Variants in WDR76 observed in about 807,000 individuals in gnomAD.
WDR76 encodes the protein WD repeat-containing protein 76.
A neutral mutation model predicts 70.2 loss-of-function variants in WDR76; 52 were observed. The ratio of observed to expected loss-of-function variants is 0.74; its 90% CI spans 0.59 to 0.93. WDR76 has a LOEUF of 0.93. WDR76 is among the 40% of genes least tolerant of loss of function. WDR76 has a pLI of 0.00. For missense variants in WDR76, 756 were observed against 760.2 expected (o/e 0.99, Z 0.07); for synonymous variants, 292 against 271.1 (o/e 1.08, Z -0.76).
rs1331050050 is a variant in WDR76 at position 43,842,407 on chromosome 15, T to C, written c.733-8T>C. On this transcript the variant is annotated splice_polypyrimidine_tract_variant and splice_region_variant and intron_variant, in intron 5 of 12. Coordinates refer to ENST00000263795, the MANE Select transcript of WDR76 (RefSeq NM_024908.4). ...GCCCAACAAATAACTTTTTATTTTT[T>C]ATAACAGCCTTTGTTACCTCCTGGG... 2 of 1,611,222 alleles carry C rather than the reference T, an allele frequency of 1.2e-6. No individual in the cohort carries two copies. Among genetic ancestry groups the C allele is most frequent in the Admixed American group, 3.4e-5 (2 of 59,398 alleles).
intron 8 of WDR76, among the ~76,000 whole-genome samples, chr15:43,849,589 A>T (rs1230946166): frequency 6.6e-6 from 1 of 151,964 alleles, no homozygotes; most frequent in Non-Finnish European, 1.5e-5. Flanking sequence ...CCCAGGCTGG[A>T]GTTCAGTGGT....
intron 4 of WDR76, among the ~76,000 whole-genome samples, chr15:43,836,658 T>C (rs1176690565): frequency 6.6e-6 from 1 of 152,190 alleles, no homozygotes; most frequent in Non-Finnish European, 1.5e-5. Flanking sequence ...TTTTGTCCTA[T>C]ATTATCTCAT....
At position 43,867,819 on chromosome 15, in the gene WDR76, G is replaced by C. The variant is rs2088092837; in HGVS notation, c.*1427G>C. ...TGGTAATTTCAATGTGTTTGTTGTT[G>C]GGAGGGGAGCTGCCAAATCAGTTAC... On this transcript the variant is annotated 3_prime_UTR_variant, in exon 13 of 13. Coordinates refer to ENST00000263795, the MANE Select transcript of WDR76 (RefSeq NM_024908.4). 6.6e-6 allele frequency: 1 copy of C among 152,104 alleles called. No individual in the cohort carries two copies. Among genetic ancestry groups the C allele is most frequent in the Non-Finnish European group, 1.5e-5 (1 of 68,008 alleles). 9.4% of individuals were successfully genotyped at this position (152,104 alleles called of 1,614,324 possible).
At chr15:43,829,445 C>T (rs77403686) in intron 2 of WDR76, among the ~76,000 whole-genome samples, 1 of 150,180 alleles carries the variant, frequency 6.7e-6, no homozygotes, top group East Asian at 1.9e-4. Context: ...AGTGGGACAG[C>T]ATGGGGTAAG....
At position 43,867,470 on chromosome 15, in the gene WDR76, TA is replaced by T. The variant is rs1262190988; in HGVS notation, c.*1079del. The T allele has an allele frequency of 2.0e-5, 3 of 152,134 alleles. No homozygotes were observed. The highest frequency in any genetic ancestry group is 4.4e-5 in the Non-Finnish European group (3 of 68,026). 9.4% of individuals were successfully genotyped at this position (152,134 alleles called of 1,614,324 possible). ...AAGAATTTGTAAAGAACAGAAAATA[TA>T]TTTGAGTAAGTATTGTTTGGTAAAA... On this transcript the variant is annotated 3_prime_UTR_variant, in exon 13 of 13. Transcript: ENST00000263795.
chr15:43,834,467 ATT>A (rs34962536), intron 2 of WDR76, among the ~76,000 whole-genome samples: 1,457 of 137,030 alleles, frequency 0.011, 18 homozygotes, highest in African/African-American at 0.031. Context: ...TACCTGGCTA[ATT>A]TTTTTTTTTT....
intron 5 of WDR76, 138 bp from the exon 6 acceptor site, chr15:43,842,277 G>T: frequency 1.5e-6 from 1 of 658,752 alleles, no homozygotes. Context: ...CAATTATTTT[G>T]AATGTCCATG....
intron 12 of WDR76, among the ~76,000 whole-genome samples, chr15:43,862,427 C>A (rs1053504823): frequency 1.3e-4 from 19 of 151,036 alleles, no homozygotes; most frequent in African/African-American, 4.6e-4. Context: ...AAGCAATTCT[C>A]CTGCCTCAGC....
At chr15:43,855,502 A>G (rs1050992932) in intron 9 of WDR76, among the ~76,000 whole-genome samples, 3 of 152,196 alleles carry the variant, frequency 2.0e-5, no homozygotes, top group Non-Finnish European at 1.5e-5. Context: ...TGCCTTTAGC[A>G]TATTAATTTA....
intron 9 of WDR76, among the ~76,000 whole-genome samples, chr15:43,852,050 G>A (rs940537375): frequency 6.6e-6 from 1 of 152,244 alleles, no homozygotes; most frequent in African/African-American, 2.4e-5. Context: ...CTGGGTGACA[G>A]AGTGAGACCC....
At position 43,866,582 on chromosome 15, in the gene WDR76, C is replaced by T. The variant is rs974524187; in HGVS notation, c.*190C>T. The T allele has an allele frequency of 7.3e-6, 4 of 545,860 alleles. No homozygotes were observed. The highest frequency in any genetic ancestry group is 6.7e-5 in the South Asian group (2 of 29,970). The allele number at this position is 545,860 out of a possible 1,614,324, so 33.8% of individuals were successfully genotyped here. A position where few individuals can be genotyped will look rare whatever the true frequency, so the allele number is the denominator to read the frequency against. On this transcript the variant is annotated 3_prime_UTR_variant, in exon 13 of 13. Coordinates refer to ENST00000263795, the MANE Select transcript of WDR76 (RefSeq NM_024908.4). Reference sequence around the variant, plus strand: ...GTCTTGGAGGGTTGCTTCTGCAGGACGGGGAGGGAATTTGAGGGGAGGCTG... The same window carrying T: ...GTCTTGGAGGGTTGCTTCTGCAGGATGGGGAGGGAATTTGAGGGGAGGCTG...
intron 1 of WDR76, 108 bp downstream of exon 1, chr15:43,827,200 C>CGG: frequency 7.1e-7 from 1 of 1,413,808 alleles, no homozygotes; most frequent in Non-Finnish European, 9.9e-7. Flanking sequence ...CGGGGGTAGG[C>CGG]GGGGGATCCC....
intron 4 of WDR76, among the ~76,000 whole-genome samples, chr15:43,838,227 C>T (rs556339895): frequency 6.6e-6 from 1 of 151,718 alleles, no homozygotes; most frequent in Non-Finnish European, 1.5e-5. Flanking sequence ...GCTCTGTTGC[C>T]CAGGCTGGAG....
At position 43,850,563 on chromosome 15, in the gene WDR76, A is replaced by G. The variant is rs940289562; in HGVS notation, c.1033-524A>G. Among the ~76,000 whole-genome samples the G allele has an allele frequency of 2.7e-4, 41 of 151,984 alleles. 1 individual carries two copies. Among genetic ancestry groups the G allele is most frequent in the South Asian group, 2.5e-3 (12 of 4,818 alleles). ...GCCCGCCTTGGCCTCCCAAAGTGCT[A>G]GGATTACAGGCGTGAGCCACCGCGC... On this transcript the variant is annotated intron_variant, in intron 8 of 12. Coordinates refer to ENST00000263795, the MANE Select transcript of WDR76 (RefSeq NM_024908.4).
At position 43,851,264 on chromosome 15, in the gene WDR76, A is replaced by T; in HGVS notation, c.1191+19A>T. 6.2e-7 allele frequency: 1 copy of T among 1,610,598 alleles called. No individual in the cohort carries two copies. Among genetic ancestry groups the T allele is most frequent in the Non-Finnish European group, 8.5e-7 (1 of 1,177,850 alleles). ...TGAAGAGGTAAATGTTAATGTGTTT[A>T]CATGCTGACTTCAGATGATATTCTA... On this transcript the variant is annotated intron_variant, in intron 9 of 12. Transcript: ENST00000263795.
intron 4 of WDR76, among the ~76,000 whole-genome samples, chr15:43,836,554 G>A (rs537086001): frequency 1.5e-4 from 23 of 151,966 alleles, no homozygotes; most frequent in African/African-American, 2.7e-4. Flanking sequence ...ATCTTTTTGC[G>A]TCTCAATTTG....
intron 8 of WDR76, among the ~76,000 whole-genome samples, chr15:43,846,635 T>TGGCAGGTGCCTG (rs2087791906): frequency 7.5e-6 from 1 of 133,908 alleles, no homozygotes; most frequent in Admixed American, 7.1e-5. Flanking sequence ...ATTAGCATGA[T>TGGCAGGTGCCTG]TAAATGAAGG....
chr15:43,851,140 A>T lies in WDR76; in HGVS notation c.1086A>T (p.Pro362=). 6.2e-7 allele frequency: 1 copy of T among 1,614,140 alleles called. No homozygotes were observed. ...GVYVFHPHSQ[P]VSCLYFSPAN... ...ATGTTTTTCATCCCCATAGTCAGCCAGTTAGCTGTCTTTACTTCTCACCCG... is the reference window on the plus strand; with the variant it reads ...ATGTTTTTCATCCCCATAGTCAGCCTGTTAGCTGTCTTTACTTCTCACCCG... Residue 362 remains proline (P), a synonymous_variant, in exon 9 of 13, where the codon CCA becomes CCT. Transcript: ENST00000263795.
At chr15:43,863,035 A>C (rs1226100058) in intron 12 of WDR76, among the ~76,000 whole-genome samples, 1 of 152,104 alleles carries the variant, frequency 6.6e-6, no homozygotes, top group African/African-American at 2.4e-5. Flanking sequence ...TCCTGGGTTC[A>C]GGCGATTCTC....
Sources: gnomAD v4.1 joint callset for allele counts (sites outside exome capture counted in the v4.1 genomes callset) on GRCh38, gnomAD v4.1.1 for gene constraint, MANE v1.5 for transcripts, NCBI Gene and HGNC (gene_info 2026-07-23, HGNC 2026-07-21) for gene names.